GPD2: variants seen among roughly 807,000 people sequenced by gnomAD.
GPD2 encodes glycerol-3-phosphate dehydrogenase 2.
GPD2 carries 54 observed loss-of-function variants against 82.4 expected under a neutral mutation model. The observed-to-expected ratio is 0.66, with a 90% CI of 0.53 to 0.82. The LOEUF (loss-of-function observed/expected upper bound fraction) is 0.82. Among genes scored for constraint, GPD2 ranks in the 40% least tolerant of loss-of-function variants. The pLI, the probability that GPD2 is intolerant of heterozygous loss-of-function variation, is 0.00. For missense variants in GPD2, 748 were observed against 896.2 expected (o/e 0.83, Z 2.11); for synonymous variants, 288 against 306.1 (o/e 0.94, Z 0.62).
intron 13 of GPD2, among the ~76,000 whole-genome samples, chr2:156,572,348 A>AT (rs1426172482): frequency 1.8e-4 from 27 of 151,596 alleles, no homozygotes; most frequent in South Asian, 6.3e-4. Flanking sequence ...TTTATTTTTA[A>AT]TTTTTTTTTA....
chr2:156,557,656 A>G, intron 9 of GPD2, 74 bp downstream of exon 9: 1 of 853,886 alleles, frequency 1.2e-6, no homozygotes, highest in Non-Finnish European at 2.0e-6. Context: ...CACTGGATAA[A>G]TGCTATGTCT....
chr2:156,570,052 C>T lies in GPD2; in HGVS notation c.1477-35C>T, dbSNP rs150176981. On this transcript the variant is annotated intron_variant, in intron 11 of 16. Coordinates refer to ENST00000438166, the MANE Select transcript of GPD2 (RefSeq NM_000408.5). ...TTTGTGCCTAGAAGCTATTGATATT[C>T]AAAGTGCCTGCCTAACGCAGCTTTA... 692 of 1,602,856 alleles carry T rather than the reference C, an allele frequency of 4.3e-4. 2 individuals are homozygous for T. The African/African-American group carries it at 8.5e-3, about 20-fold the overall frequency.
At chr2:156,483,351 A>G (rs1345737864) in intron 2 of GPD2, among the ~76,000 whole-genome samples, 3 of 152,224 alleles carry the variant, frequency 2.0e-5, no homozygotes, top group African/African-American at 7.2e-5. Context: ...ATGTAACTTT[A>G]CTTACAGGCT....
At chr2:156,554,917 A>G (rs1196903474) in intron 8 of GPD2, among the ~76,000 whole-genome samples, 1 of 152,244 alleles carries the variant, frequency 6.6e-6, no homozygotes, top group Admixed American at 6.5e-5. Context: ...AAAAATATTC[A>G]TTACATTTAA....
chr2:156,557,036 G>A (rs1686989067), intron 8 of GPD2, among the ~76,000 whole-genome samples: 1 of 152,082 alleles, frequency 6.6e-6, no homozygotes, highest in Admixed American at 6.6e-5. Context: ...GGAAAGTATA[G>A]ACATTTATCC....
chr2:156,436,475 C>T lies in GPD2; in HGVS notation c.-47C>T, dbSNP rs892535555. On this transcript the variant is annotated 5_prime_UTR_variant, in exon 1 of 17. Coordinates refer to ENST00000438166, the MANE Select transcript of GPD2 (RefSeq NM_000408.5). ...ACCCTGGCTGGAGGAACTGGGTGCT[C>T]CTGCCCGCTGGCCCCTCGCGCGTGA... 3 of 152,454 alleles carry T rather than the reference C, an allele frequency of 2.0e-5. No individual in the cohort carries two copies. The highest frequency in any genetic ancestry group is 2.0e-4 in the Admixed American group (3 of 15,306). 9.4% of individuals were successfully genotyped at this position (152,454 alleles called of 1,614,324 possible). A position where few individuals can be genotyped will look rare whatever the true frequency, so the allele number is the denominator to read the frequency against.
intron 1 of GPD2, among the ~76,000 whole-genome samples, chr2:156,450,682 T>TTTTA (rs3055086): frequency 0.56 from 62,641 of 111,780 alleles, 19,314 homozygotes; most frequent in East Asian, 0.79. Flanking sequence ...TTTTTTTTTT[T>TTTTA]ATTGCTCATT....
intron 1 of GPD2, chr2:156,473,747 T>C (rs1683411425): frequency 6.6e-6 from 1 of 152,204 alleles, no homozygotes; most frequent in African/African-American, 2.4e-5. Context: ...TACATTGTTG[T>C]GTGATAGGCA....
At chr2:156,541,896 T>A (rs1236035168) in intron 6 of GPD2, among the ~76,000 whole-genome samples, 1 of 129,972 alleles carries the variant, frequency 7.7e-6, no homozygotes, top group Non-Finnish European at 1.6e-5. Flanking sequence ...ACAAGGAATC[T>A]TTATTGTAAA....
At chr2:156,503,137 T>C (rs956626384) in intron 3 of GPD2, among the ~76,000 whole-genome samples, 2 of 152,178 alleles carry the variant, frequency 1.3e-5, no homozygotes, top group Non-Finnish European at 2.9e-5. Flanking sequence ...TGTCTGTCTT[T>C]CTGCTTCCTG....
In GPD2 at chr2:156,571,234, T is replaced by A. The variant is rs1224341900; in HGVS notation, c.1709T>A (p.Leu570Gln). 6.2e-7 allele frequency: 1 copy of A among 1,612,648 alleles called. No homozygotes were observed. The highest frequency in any genetic ancestry group is 8.5e-7 in the Non-Finnish European group (1 of 1,178,864). Residue 570 changes from leucine (L) to glutamine (Q), a missense_variant, in exon 13 of 17, where the codon CTA (leucine) becomes CAA (glutamine). Around this residue, in one of 3 missense-constraint regions of GPD2, gnomAD observed 692 missense variants for 809.7 expected, o/e 0.85. Transcript: ENST00000438166. ...AATGTCCAGGCAGCAGAGGAAGCCC[T>A]ACCCAGGATTGTTGAACTGATGGGC... ...FLNVQAAEEA[L>Q]PRIVELMGRE...
At chr2:156,433,566 G>T (rs879392975), upstream of GPD2, among the ~76,000 whole-genome samples, 3 of 152,126 alleles carry the variant, frequency 2.0e-5, no homozygotes, top group African/African-American at 7.2e-5. Flanking sequence ...CGAATGCTCC[G>T]GAGTCTGATT....
At chr2:156,579,841 A>G in intron 16 of GPD2, 53 bp downstream of exon 16, 2 of 832,206 alleles carry the variant, frequency 2.4e-6, no homozygotes, top group Non-Finnish European at 4.3e-6. Context: ...TTTGTTTGTC[A>G]TGATCATAAA....
intron 10 of GPD2, 74 bp from the exon 11 acceptor site, chr2:156,569,289 A>G (rs67602053): frequency 0.13 from 126,624 of 987,074 alleles, 8,689 homozygotes; most frequent in African/African-American, 0.16. Context: ...TGTTATTGGT[A>G]AGTTGATAAA....
At chr2:156,521,468 A>T (rs1685405219) in intron 6 of GPD2, among the ~76,000 whole-genome samples, 1 of 152,218 alleles carries the variant, frequency 6.6e-6, no homozygotes, top group Admixed American at 6.5e-5. Flanking sequence ...TACTATAATA[A>T]ATGCAAAATA....
chr2:156,502,021 A>G (rs1324860213), intron 3 of GPD2: 1 of 153,510 alleles, frequency 6.5e-6, no homozygotes, highest in Non-Finnish European at 1.5e-5. Context: ...AGAATATGGT[A>G]AAGGCAGCAT....
the GPD2 span, among the ~76,000 whole-genome samples, chr2:156,427,108 C>T: frequency 6.6e-6 from 1 of 152,170 alleles, no homozygotes; most frequent in Non-Finnish European, 1.5e-5. Context: ...AGTCTCTATA[C>T]CCCAGCCTCA....
chr2:156,554,344 G>C (rs1469651232), intron 8 of GPD2, among the ~76,000 whole-genome samples: 17 of 152,222 alleles, frequency 1.1e-4, no homozygotes, highest in Non-Finnish European at 2.9e-5. Context: ...TTAAAACCAG[G>C]CATGTTTCAG....
chr2:156,488,171 G>A (rs893243669), intron 2 of GPD2, among the ~76,000 whole-genome samples: 6 of 152,138 alleles, frequency 3.9e-5, no homozygotes, highest in Admixed American at 6.5e-5. Context: ...ATCCCTCACC[G>A]AATATGTTTA....
Sources: allele counts gnomAD v4.1 joint callset (sites outside exome capture counted in the v4.1 genomes callset), GRCh38; gene constraint gnomAD v4.1.1; regional missense constraint gnomAD v4.1.1; transcripts MANE v1.5; gene names NCBI Gene and HGNC (gene_info 2026-07-23, HGNC 2026-07-21).